RXFP2: variants seen among roughly 807,000 people sequenced by gnomAD.
RXFP2 encodes relaxin family peptide receptor 2, also known as relaxin receptor 2.
A neutral mutation model predicts 88.6 loss-of-function variants in RXFP2; 68 were observed. The ratio of observed to expected loss-of-function variants is 0.77; its 90% CI spans 0.63 to 0.94. The LOEUF is 0.94. RXFP2 is among the 40% of genes least tolerant of loss of function. RXFP2 has a pLI of 0.00. For synonymous variants in RXFP2, 329 were observed against 306.8 expected, an observed-to-expected ratio of 1.07 and a Z score of -0.76; for missense variants, 791 against 893.9, an observed-to-expected ratio of 0.88 and a Z score of 1.47.
chr13:31,755,326 C>T (rs533526362), intron 1 of RXFP2, among the ~76,000 whole-genome samples: 2 of 152,076 alleles, frequency 1.3e-5, no homozygotes, highest in South Asian at 4.2e-4. Context: ...AAAGCTCATC[C>T]CACATAACTT....
At position 31,782,762 on chromosome 13, in the gene RXFP2, C is replaced by A; in HGVS notation, c.929+15C>A. On this transcript the variant is annotated intron_variant, in intron 11 of 17. Coordinates refer to ENST00000298386, the MANE Select transcript of RXFP2 (RefSeq NM_130806.5). ...TTAGGAGAACTGTAAGTAGCATCGTCTACTAGGAAAATATGATTGCTTCTT... is the reference window on the plus strand; with the variant it reads ...TTAGGAGAACTGTAAGTAGCATCGTATACTAGGAAAATATGATTGCTTCTT... The A allele has an allele frequency of 2.0e-6, 3 of 1,482,282 alleles. No homozygotes were observed. In the South Asian group the frequency reaches 3.4e-5, roughly 17 times the overall value. The allele number at this position is 1,482,282 out of a possible 1,614,324, so 91.8% of individuals were successfully genotyped here.
intron 1 of RXFP2, among the ~76,000 whole-genome samples, chr13:31,743,713 G>A (rs1156395131): frequency 5.3e-5 from 8 of 151,312 alleles, no homozygotes; most frequent in Admixed American, 3.9e-4. Flanking sequence ...ATGCTCTCCC[G>A]GCCTGTCTTT....
intron 9 of RXFP2, among the ~76,000 whole-genome samples, chr13:31,780,827 A>G (rs1015595886): frequency 6.6e-6 from 1 of 152,246 alleles, no homozygotes; most frequent in Non-Finnish European, 1.5e-5. Context: ...ATCAGCGTGC[A>G]TCGTAAACAA....
chr13:31,802,527 A>G lies in RXFP2; in HGVS notation c.*122A>G. The G allele has an allele frequency of 2.8e-6, 3 of 1,053,794 alleles. No individual in the cohort carries two copies. The South Asian group carries it at 3.8e-5, about 13-fold the overall frequency. 65.3% of individuals were successfully genotyped at this position (1,053,794 alleles called of 1,614,324 possible). A position where few individuals can be genotyped will look rare whatever the true frequency, so the allele number is the denominator to read the frequency against. On this transcript the variant is annotated 3_prime_UTR_variant, in exon 18 of 18. Coordinates refer to ENST00000298386, the MANE Select transcript of RXFP2 (RefSeq NM_130806.5). ...GCAAGCCTTTCTGCACAGAGAGCAC[A>G]GCAGAATGGCTCCTGTCACTGCATT...
At chr13:31,742,667 C>G (rs758241668) in intron 1 of RXFP2, among the ~76,000 whole-genome samples, 22 of 152,178 alleles carry the variant, frequency 1.4e-4, no homozygotes, top group Non-Finnish European at 2.8e-4. Context: ...TTTAAGGCCT[C>G]TCACTTGAAG....
At chr13:31,764,284 C>CACACAT (rs762385260) in intron 3 of RXFP2, among the ~76,000 whole-genome samples, 14,471 of 150,294 alleles carry the variant, frequency 0.096, 696 homozygotes, top group Middle Eastern at 0.16. Flanking sequence ...CACACACACA[C>CACACAT]ACACAGTGAC....
At position 31,785,439 on chromosome 13, in the gene RXFP2, T is replaced by C. The variant is rs7324780; in HGVS notation, c.930-944T>C. 7.7e-3 allele frequency among the ~76,000 whole-genome samples: 1,177 copies of C among 152,114 alleles called. 24 individuals are homozygous for C. Among genetic ancestry groups the C allele is most frequent in the African/African-American group, 0.026 (1,088 of 41,484 alleles). On this transcript the variant is annotated intron_variant, in intron 11 of 17. Transcript: ENST00000298386. The stretch of plus-strand genomic sequence containing the variant: ...GAAGCTGTTCTTCTTTTACCCCACC[T>C]AAAATCATCAAGCTTTCTTCAAACA...
chr13:31,774,833 C>A (rs1872872638), intron 6 of RXFP2, 142 bp downstream of exon 6: 1 of 670,056 alleles, frequency 1.5e-6, no homozygotes. Context: ...AGTTATTACA[C>A]TGAAAGAATT....
intron 1 of RXFP2, among the ~76,000 whole-genome samples, chr13:31,754,048 A>G (rs935016165): frequency 1.3e-5 from 2 of 152,200 alleles, no homozygotes; most frequent in African/African-American, 4.8e-5. Flanking sequence ...GGCAGGTTCT[A>G]TTCGTACATG....
intron 2 of RXFP2, among the ~76,000 whole-genome samples, chr13:31,760,196 C>T (rs781113146): frequency 6.6e-5 from 10 of 152,132 alleles, no homozygotes; most frequent in Non-Finnish European, 1.2e-4. Flanking sequence ...TCAAGTGATT[C>T]TCCTGCCTCA....
chr13:31,786,413 A>G lies in RXFP2; in HGVS notation c.960A>G (p.Leu320=), dbSNP rs748053737. 51 of 1,608,502 alleles carry G rather than the reference A, an allele frequency of 3.2e-5. No individual in the cohort carries two copies. The East Asian group carries it at 7.1e-4, about 23-fold the overall frequency. Reference sequence around the variant, plus strand: ...TGTCTAGCAATACGATAACGGAACTATCACCTCACCTTTTTAAAGACTTGA... The same window carrying G: ...TGTCTAGCAATACGATAACGGAACTGTCACCTCACCTTTTTAAAGACTTGA... ...LDLSSNTITE[L]SPHLFKDLKL... Residue 320 remains leucine, a synonymous_variant, in exon 12 of 18, where the codon CTA becomes CTG. Transcript: ENST00000298386.
intron 5 of RXFP2, among the ~76,000 whole-genome samples, chr13:31,770,858 T>C (rs1263584254): frequency 6.6e-6 from 1 of 152,196 alleles, no homozygotes; most frequent in Non-Finnish European, 1.5e-5. Flanking sequence ...TGTCGTAGCA[T>C]ACCTAGTAAG....
chr13:31,798,683 A>G (rs1236738887), intron 17 of RXFP2, among the ~76,000 whole-genome samples: 1 of 152,130 alleles, frequency 6.6e-6, no homozygotes, highest in African/African-American at 2.4e-5. Context: ...GAGCATTATA[A>G]TATTTCTTAC....
Position 31,781,664 on chromosome 13 carries a change from C to A in RXFP2, c.786-7C>A. 1 of 1,599,254 alleles carries A rather than the reference C, an allele frequency of 6.3e-7. No homozygotes were observed. Among genetic ancestry groups the A allele is most frequent in the Non-Finnish European group, 8.6e-7 (1 of 1,167,020 alleles). ...TATTAAAAATATCTTTCCTCCATGA[C>A]TTCCAGGGATTTGGAAGGCAATAGA... On this transcript the variant is annotated splice_polypyrimidine_tract_variant and splice_region_variant and intron_variant, in intron 9 of 17. Coordinates refer to ENST00000298386, the MANE Select transcript of RXFP2 (RefSeq NM_130806.5).
intron 1 of RXFP2, among the ~76,000 whole-genome samples, chr13:31,747,248 C>T (rs1284726953): frequency 1.3e-5 from 2 of 152,076 alleles, no homozygotes; most frequent in East Asian, 3.9e-4. Context: ...TATGGGCCAC[C>T]TTACCCCATC....
intron 2 of RXFP2, among the ~76,000 whole-genome samples, chr13:31,761,502 A>G (rs1420115890): frequency 6.6e-6 from 1 of 152,240 alleles, no homozygotes; most frequent in Non-Finnish European, 1.5e-5. Flanking sequence ...ATATACTTGC[A>G]TTGCAAATTT....
chr13:31,795,273 C>A (rs1191899686), intron 16 of RXFP2, among the ~76,000 whole-genome samples: 3 of 152,018 alleles, frequency 2.0e-5, no homozygotes, highest in South Asian at 4.2e-4. Context: ...CCTCAGACTC[C>A]CAAGTAGCTG....
chr13:31,791,425 C>T (rs955632102), intron 14 of RXFP2, among the ~76,000 whole-genome samples: 3 of 152,114 alleles, frequency 2.0e-5, no homozygotes, highest in African/African-American at 4.8e-5. Flanking sequence ...TAGGCTTTTC[C>T]CATCCCAAGC....
chr13:31,783,998 TGTA>T (rs1566231909), intron 11 of RXFP2, among the ~76,000 whole-genome samples: 21 of 146,072 alleles, frequency 1.4e-4, no homozygotes, highest in South Asian at 2.2e-4. Context: ...TTTTTTTTTT[TGTA>T]TTTTTAGTAG....
Sources: allele counts gnomAD v4.1 joint callset (sites outside exome capture counted in the v4.1 genomes callset), GRCh38; gene constraint gnomAD v4.1.1; transcripts MANE v1.5; gene names NCBI Gene and HGNC (gene_info 2026-07-23, HGNC 2026-07-21).